EXOC4: variants seen among roughly 807,000 people sequenced by gnomAD.
The protein encoded by EXOC4 is SEC8-like 1.
EXOC4 carries 71 observed loss-of-function variants against 107.2 expected under a neutral mutation model. That is an observed-to-expected ratio of 0.66 (90% CI 0.55 to 0.81). EXOC4 has a LOEUF of 0.81. EXOC4 is among the 30% of genes least tolerant of loss of function. The pLI is 0.00. For missense variants in EXOC4, 1,108 were observed against 1,189.6 expected (o/e 0.93, Z 1.01); for synonymous variants, 456 against 441.2 (o/e 1.03, Z -0.42).
intron 10 of EXOC4, among the ~76,000 whole-genome samples, chr7:133,711,713 C>T (rs964459386): frequency 2.0e-5 from 3 of 152,172 alleles, no homozygotes; most frequent in Non-Finnish European, 2.9e-5. Context: ...CCAACCCTAG[C>T]ATTTAGTTTT....
chr7:134,036,461 G>A (rs141709364), intron 17 of EXOC4, among the ~76,000 whole-genome samples: 254 of 152,268 alleles, frequency 1.7e-3, no homozygotes, highest in African/African-American at 4.3e-3. Flanking sequence ...GGTGGTGCAT[G>A]CCTGTTGTCC....
chr7:133,459,925 A>G (rs1176641550), intron 7 of EXOC4, among the ~76,000 whole-genome samples: 2 of 152,230 alleles, frequency 1.3e-5, no homozygotes, highest in Non-Finnish European at 2.9e-5. Flanking sequence ...TTGCTTTTAA[A>G]TAAAAGATCA....
At chr7:133,268,253 A>G (rs1007655823) in intron 1 of EXOC4, among the ~76,000 whole-genome samples, 20 of 152,222 alleles carry the variant, frequency 1.3e-4, no homozygotes, top group African/African-American at 3.9e-4. Context: ...GGTGTTTTAA[A>G]ATTCCAGAGC....
chr7:133,497,572 A>G (rs1235366151), intron 9 of EXOC4, among the ~76,000 whole-genome samples: 1 of 152,066 alleles, frequency 6.6e-6, no homozygotes, highest in Non-Finnish European at 1.5e-5. Context: ...CTGGGACTGC[A>G]GGTGCCTGCC....
intron 17 of EXOC4, among the ~76,000 whole-genome samples, chr7:134,026,448 A>G (rs896413536): frequency 2.0e-5 from 3 of 151,384 alleles, no homozygotes; most frequent in African/African-American, 7.3e-5. Context: ...CTGTGGTGAA[A>G]AGTTGCTCAG....
rs890067196 is a variant in EXOC4, at chr7:133,342,098, G to GT, written c.764-14221dup. ...TGCTATTTGTTGCCTGAATACCTTGGTTTTTTTTTTTCATTGTGTTATTGT... is the reference window on the plus strand; with the variant it reads ...TGCTATTTGTTGCCTGAATACCTTGGTTTTTTTTTTTTCATTGTGTTATTGT... On this transcript the variant is annotated intron_variant, in intron 5 of 17. Transcript: ENST00000253861. 3.4e-3 allele frequency among the ~76,000 whole-genome samples: 499 copies of GT among 145,132 alleles called. 5 individuals are homozygous for GT. Among genetic ancestry groups the GT allele is most frequent in the African/African-American group, 0.01 (408 of 39,726 alleles).
chr7:133,288,866 AGGTTTAGACT>A, intron 2 of EXOC4, 46 bp from the exon 3 acceptor site: 1 of 1,456,190 alleles, frequency 6.9e-7, no homozygotes, highest in Non-Finnish European at 9.5e-7. Flanking sequence ...ACCAGATTAT[AGGTTTAGACT>A]GGCAAGACTT....
intron 17 of EXOC4, among the ~76,000 whole-genome samples, chr7:134,053,475 G>A (rs1024062934): frequency 1.3e-5 from 2 of 151,686 alleles, no homozygotes; most frequent in African/African-American, 4.8e-5. Flanking sequence ...ATAGGAAGAG[G>A]CAGAATTGGG....
chr7:133,861,064 C>T (rs1563032281), intron 11 of EXOC4, among the ~76,000 whole-genome samples: 1 of 152,262 alleles, frequency 6.6e-6, no homozygotes, highest in East Asian at 1.9e-4. Flanking sequence ...ACAAAACAAC[C>T]TCATCAGCTG....
intron 5 of EXOC4, 26 bp downstream of exon 5, chr7:133,317,416 A>G (rs372977900): frequency 6.7e-7 from 1 of 1,483,010 alleles, no homozygotes; most frequent in Non-Finnish European, 9.4e-7. Flanking sequence ...TTCAGCCACT[A>G]AGCTTTTTAG....
rs570219982 is a variant in EXOC4, at chr7:133,606,773, C to T, written c.1418-23272C>T. Among the ~76,000 whole-genome samples, 25 of 152,178 alleles carry T rather than the reference C, an allele frequency of 1.6e-4. No individual in the cohort carries two copies. The South Asian group carries it at 5.2e-3, about 32-fold the overall frequency. On this transcript the variant is annotated intron_variant, in intron 9 of 17. Coordinates refer to ENST00000253861, the MANE Select transcript of EXOC4 (RefSeq NM_021807.4). Reference sequence around the variant, plus strand: ...TCAGGTGATCTGCCCACCTTAGCCTCCCAAAGTGCTAGGATTATAGGTGTG... The same window carrying T: ...TCAGGTGATCTGCCCACCTTAGCCTTCCAAAGTGCTAGGATTATAGGTGTG...
chr7:133,381,943 TTTGA>T (rs1201892524), intron 7 of EXOC4, among the ~76,000 whole-genome samples: 1 of 152,154 alleles, frequency 6.6e-6, no homozygotes, highest in Non-Finnish European at 1.5e-5. Flanking sequence ...TATCCCCACC[TTTGA>T]TTGACTGAAA....
chr7:133,358,806 C>G (rs1563034003), intron 6 of EXOC4, among the ~76,000 whole-genome samples: 1 of 151,954 alleles, frequency 6.6e-6, no homozygotes, highest in Non-Finnish European at 1.5e-5. Context: ...CTTGCCTAAA[C>G]CCCTTCCAGA....
intron 9 of EXOC4, among the ~76,000 whole-genome samples, chr7:133,496,597 C>A (rs1476573812): frequency 1.3e-5 from 2 of 152,140 alleles, no homozygotes; most frequent in African/African-American, 4.8e-5. Flanking sequence ...TTTCTTCGCA[C>A]CTTCGAGGTG....
chr7:133,495,046 C>T (rs996911818), intron 9 of EXOC4, among the ~76,000 whole-genome samples: 8 of 152,010 alleles, frequency 5.3e-5, no homozygotes, highest in Admixed American at 2.6e-4. Flanking sequence ...CCGAGCTGGG[C>T]AGATCACGTG....
At chr7:133,958,268 C>CTTT (rs5887652) in intron 14 of EXOC4, among the ~76,000 whole-genome samples, 1 of 150,178 alleles carries the variant, frequency 6.7e-6, no homozygotes, top group East Asian at 1.9e-4. Context: ...ATTTCTTTTC[C>CTTT]TTTTTTTTTC....
the EXOC4 span, among the ~76,000 whole-genome samples, chr7:134,094,941 A>T: frequency 6.6e-6 from 1 of 152,128 alleles, no homozygotes; most frequent in Non-Finnish European, 1.5e-5. Flanking sequence ...TCAACATAGT[A>T]CTAGAAGTCC....
chr7:133,330,667 TCACAGTCCC>T (rs1795361700), intron 5 of EXOC4, among the ~76,000 whole-genome samples: 1 of 151,694 alleles, frequency 6.6e-6, no homozygotes, highest in Admixed American at 6.6e-5. Context: ...TCACAGTCCC[TCACAGTCCC>T]TCACAGTCCC....
intron 2 of EXOC4, among the ~76,000 whole-genome samples, chr7:133,280,229 A>G (rs1442383374): frequency 1.3e-5 from 2 of 152,238 alleles, no homozygotes; most frequent in Non-Finnish European, 2.9e-5. Context: ...ACAATAAGCA[A>G]AATAACTGGG....
Sources: allele counts gnomAD v4.1 joint callset (sites outside exome capture counted in the v4.1 genomes callset), GRCh38; gene constraint gnomAD v4.1.1; transcripts MANE v1.5; gene names NCBI Gene and HGNC (gene_info 2026-07-23, HGNC 2026-07-21).